UNC13B: variants seen among roughly 807,000 people sequenced by gnomAD.
The protein encoded by UNC13B is protein unc-13 homolog B.
A neutral mutation model predicts 211.0 loss-of-function variants in UNC13B; 144 were observed. The ratio of observed to expected loss-of-function variants is 0.68; its 90% CI spans 0.60 to 0.78. The LOEUF (loss-of-function observed/expected upper bound fraction) is 0.78. UNC13B is among the 30% of genes least tolerant of loss of function. The pLI, the probability that UNC13B is intolerant of heterozygous loss-of-function variation, is 0.00. For missense variants in UNC13B, 1,777 were observed against 2,002.0 expected (o/e 0.89, Z 2.14); for synonymous variants, 709 against 725.8 (o/e 0.98, Z 0.37).
chr9:35,362,260 G>A (rs1055386240), intron 11 of UNC13B, among the ~76,000 whole-genome samples: 12 of 152,314 alleles, frequency 7.9e-5, no homozygotes, highest in African/African-American at 2.4e-4. Context: ...AGAGTGCAGA[G>A]AGGGAGAGAT....
chr9:35,196,492 G>T (rs1259115638), intron 1 of UNC13B, among the ~76,000 whole-genome samples: 2 of 152,108 alleles, frequency 1.3e-5, no homozygotes, highest in Non-Finnish European at 2.9e-5. Context: ...TTGAGGGTTA[G>T]GTACAGTTCT....
intron 7 of UNC13B, among the ~76,000 whole-genome samples, chr9:35,263,778 T>C (rs976254728): frequency 4.6e-5 from 7 of 152,060 alleles, no homozygotes; most frequent in African/African-American, 1.4e-4. Context: ...ATAGGGCTGG[T>C]GCCCTCATAA....
chr9:35,176,439 T>C (rs1369783140), intron 1 of UNC13B, among the ~76,000 whole-genome samples: 1 of 152,014 alleles, frequency 6.6e-6, no homozygotes, highest in Non-Finnish European at 1.5e-5. Flanking sequence ...TCCCAGCTAC[T>C]CGGGACTCTG....
At chr9:35,308,705 T>C (rs1218811206) in intron 9 of UNC13B, among the ~76,000 whole-genome samples, 1 of 152,194 alleles carries the variant, frequency 6.6e-6, no homozygotes, top group Non-Finnish European at 1.5e-5. Flanking sequence ...CTGCCTTGTA[T>C]AATGTGAAAT....
chr9:35,387,851 TTTTTGTTGTTGTTA>T (rs1835282527), intron 24 of UNC13B, among the ~76,000 whole-genome samples: 1 of 152,154 alleles, frequency 6.6e-6, no homozygotes. Flanking sequence ...ATTTATTGTT[TTTTTGTTGTTGTTA>T]TTTTGTTGTT....
At position 35,307,797 on chromosome 9, in the gene UNC13B, G is replaced by A. The variant is rs1829998831; in HGVS notation, c.8393G>A (p.Gly2798Asp). The A allele has an allele frequency of 2.5e-6, 1 of 398,886 alleles. No homozygotes were observed. The highest frequency in any genetic ancestry group is 4.4e-6 in the Non-Finnish European group (1 of 226,072). 24.7% of individuals were successfully genotyped at this position (398,886 alleles called of 1,614,324 possible). A position where few individuals can be genotyped will look rare whatever the true frequency, so the allele number is the denominator to read the frequency against. ...TTCTTTTCCTCACCTCTCCCCTCTGGCAATAGAGCAGCAGAGACTGGTTTA... is the reference window on the plus strand; with the variant it reads ...TTCTTTTCCTCACCTCTCCCCTCTGACAATAGAGCAGCAGAGACTGGTTTA... Reference protein sequence around the residue: ...SSFFSSPLPSGNRAAETGLMS... With the variant: ...SSFFSSPLPSDNRAAETGLMS... Residue 2798 changes from glycine to aspartate, a missense_variant, in exon 9 of 40, where the codon GGC (glycine) becomes GAC (aspartate). Transcript: ENST00000635942.
At chr9:35,245,273 T>C (rs542604614) in intron 6 of UNC13B, among the ~76,000 whole-genome samples, 1 of 152,060 alleles carries the variant, frequency 6.6e-6, no homozygotes, top group African/African-American at 2.4e-5. Context: ...TGGAATTTTA[T>C]AAGTTCTAAT....
intron 1 of UNC13B, among the ~76,000 whole-genome samples, chr9:35,223,727 T>C (rs908984787): frequency 1.2e-4 from 19 of 152,192 alleles, no homozygotes; most frequent in Non-Finnish European, 2.4e-4. Flanking sequence ...TTTGAAGTCT[T>C]AGCCATAAAA....
chr9:35,252,723 G>A (rs1176970510), intron 6 of UNC13B, among the ~76,000 whole-genome samples: 1 of 152,056 alleles, frequency 6.6e-6, no homozygotes, highest in Non-Finnish European at 1.5e-5. Context: ...GAGGTCAGGA[G>A]ATCGAGACCA....
intron 7 of UNC13B, among the ~76,000 whole-genome samples, chr9:35,262,908 G>GGA (rs1347894798): frequency 1.3e-5 from 2 of 152,124 alleles, no homozygotes; most frequent in Non-Finnish European, 2.9e-5. Context: ...ACCCCAGCCT[G>GGA]GGTAACAGAG....
chr9:35,297,547 C>CTTTTTTTTTTTTTTT lies in UNC13B; in HGVS notation c.761+1623_761+1637dup, dbSNP rs774525517. ...TGCATTCAGGAAGCACATACTTTGT[C>CTTTTTTTTTTTTTTT]TTTTTTTTTTTTTTTTTTTTGAGAC... On this transcript the variant is annotated intron_variant, in intron 8 of 39. Coordinates refer to ENST00000635942, the MANE Select transcript of UNC13B (RefSeq NM_001371189.2). Among the ~76,000 whole-genome samples, 10 of 100,856 alleles carry CTTTTTTTTTTTTTTT rather than the reference C, an allele frequency of 9.9e-5. 2 individuals carry two copies. The highest frequency in any genetic ancestry group is 3.3e-4 in the African/African-American group (8 of 24,430). The allele number at this position is 100,856 out of a possible 152,430, so 66.2% of individuals were successfully genotyped here. A position where few individuals can be genotyped will look rare whatever the true frequency, so the allele number is the denominator to read the frequency against.
chr9:35,196,098 T>TGGGAGGTGATACACCTTTTTACTTCTAGA (rs1822923499), intron 1 of UNC13B, among the ~76,000 whole-genome samples: 1 of 150,820 alleles, frequency 6.6e-6, no homozygotes, highest in African/African-American at 2.4e-5. Context: ...TTATTGTATT[T>TGGGAGGTGATACACCTTTTTACTTCTAGA]TTGTTTTTCA....
At chr9:35,182,403 A>G (rs547207626) in intron 1 of UNC13B, among the ~76,000 whole-genome samples, 1 of 151,438 alleles carries the variant, frequency 6.6e-6, no homozygotes, top group East Asian at 1.9e-4. Flanking sequence ...AAACTGTGAA[A>G]CCAATGCTGA....
At chr9:35,281,594 AGGAAAT>A (rs890146575) in intron 7 of UNC13B, among the ~76,000 whole-genome samples, 8 of 152,222 alleles carry the variant, frequency 5.3e-5, no homozygotes, top group African/African-American at 1.9e-4. Flanking sequence ...TGCTTCCCAG[AGGAAAT>A]GATATCTCAA....
rs1836468794 is a variant in UNC13B, at chr9:35,403,514, C to G, written c.12652C>G (p.Pro4218Ala). Residue 4218 changes from proline to alanine, a missense_variant, in exon 39 of 40, where the codon CCA becomes GCA. Transcript: ENST00000635942. The part of the protein sequence containing the change: ...RPFVEVTMVG[P>A]HQSDKKRKFT... Reference sequence around the variant, plus strand: ...TTTCGTGGAGGTGACTATGGTTGGCCCACACCAAAGTGATAAGAAGAGGAA... The same window carrying G: ...TTTCGTGGAGGTGACTATGGTTGGCGCACACCAAAGTGATAAGAAGAGGAA... 6.2e-7 allele frequency: 1 copy of G among 1,613,962 alleles called. No homozygotes were observed. Among genetic ancestry groups the G allele is most frequent in the Non-Finnish European group, 8.5e-7 (1 of 1,180,018 alleles).
At position 35,231,167 on chromosome 9, in the gene UNC13B, A is replaced by G. The variant is rs781731760; in HGVS notation, c.100A>G (p.Thr34Ala). 6.2e-7 allele frequency: 1 copy of G among 1,613,668 alleles called. No homozygotes were observed. Among genetic ancestry groups the G allele is most frequent in the Admixed American group, 1.7e-5 (1 of 59,972 alleles). Reference protein sequence around the residue: ...VTLKVQNVKSTTVAVRGDQPS... With the variant: ...VTLKVQNVKSATVAVRGDQPS... The stretch of plus-strand genomic sequence containing the variant: ...CCTGAAAGTACAGAATGTGAAGAGC[A>G]CAACTGTAGCAGTTCGTGGTGATCA... Residue 34 changes from threonine to alanine, a missense_variant, in exon 3 of 40, where the codon ACA becomes GCA. Coordinates refer to ENST00000635942, the MANE Select transcript of UNC13B (RefSeq NM_001371189.2).
intron 26 of UNC13B, among the ~76,000 whole-genome samples, chr9:35,391,361 G>C (rs542599329): frequency 6.6e-6 from 1 of 152,094 alleles, no homozygotes; most frequent in African/African-American, 2.4e-5. Flanking sequence ...GCCATTTTAT[G>C]TGTGGTAGTC....
chr9:35,203,879 T>A (rs80311298), intron 1 of UNC13B, among the ~76,000 whole-genome samples: 1 of 152,192 alleles, frequency 6.6e-6, no homozygotes, highest in Admixed American at 6.5e-5. Flanking sequence ...TCTGCCTAAG[T>A]AAAGAGCAGC....
chr9:35,163,158 T>G (rs1820866735), intron 1 of UNC13B, among the ~76,000 whole-genome samples: 2 of 152,230 alleles, frequency 1.3e-5, no homozygotes, highest in South Asian at 4.1e-4. Context: ...AACACAGGGT[T>G]TGGATTAGCC....
Sources: allele counts gnomAD v4.1 joint callset (sites outside exome capture counted in the v4.1 genomes callset), GRCh38; gene constraint gnomAD v4.1.1; transcripts MANE v1.5; gene names NCBI Gene and HGNC (gene_info 2026-07-23, HGNC 2026-07-21).